HDGFL3: variants seen among roughly 807,000 people sequenced by gnomAD.
HDGFL3 encodes hepatoma-derived growth factor-related protein 3.
A neutral mutation model predicts 27.6 loss-of-function variants in HDGFL3; 6 were observed. That is an observed-to-expected ratio of 0.22 (90% CI 0.12 to 0.43). The LOEUF is 0.43. HDGFL3 is among the 20% of genes least tolerant of loss of function. The pLI, the probability that HDGFL3 is intolerant of heterozygous loss-of-function variation, is 1.00. For synonymous variants in HDGFL3, 88 were observed against 88.9 expected, an observed-to-expected ratio of 0.99 and a Z score of 0.05; for missense variants, 207 against 250.1, an observed-to-expected ratio of 0.83 and a Z score of 1.16.
intron 1 of HDGFL3, among the ~76,000 whole-genome samples, chr15:83,186,686 C>T (rs905958361): frequency 2.0e-5 from 3 of 151,626 alleles, no homozygotes; most frequent in African/African-American, 4.9e-5. Context: ...ACTATGAGTA[C>T]GCAAAGGCAT....
chr15:83,143,673 G>C (rs2151394524), intron 5 of HDGFL3, among the ~76,000 whole-genome samples: 1 of 152,286 alleles, frequency 6.6e-6, no homozygotes, highest in African/African-American at 2.4e-5. Flanking sequence ...AAGATAAACT[G>C]GGGTCAGCTG....
Position 83,207,634 on chromosome 15 carries a change from G to A in HDGFL3, c.-220C>T, listed in dbSNP as rs1567180662. ...ATCACGGCCCGGCAGCGGGGGAGGG[G>A]AGCCCCCGGCCGTTCGGCGCTCGCC... On this transcript the variant is annotated 5_prime_UTR_variant, in exon 1 of 6. Transcript: ENST00000299633. The surrounding 1 kb of genome is among the most constrained non-coding windows in gnomAD (Gnocchi z 4.8). The A allele has an allele frequency of 9.0e-6, 2 of 221,910 alleles. No homozygotes were observed. The highest frequency in any genetic ancestry group is 1.7e-5 in the Non-Finnish European group (2 of 115,744). The allele number at this position is 221,910 out of a possible 1,614,324, so 13.7% of individuals were successfully genotyped here.
intron 1 of HDGFL3, among the ~76,000 whole-genome samples, chr15:83,178,998 C>G (rs1343927583): frequency 1.3e-5 from 2 of 152,062 alleles, no homozygotes; most frequent in Admixed American, 1.3e-4. Context: ...AGATAAAGAC[C>G]CCTAGCCAAA....
intron 5 of HDGFL3, among the ~76,000 whole-genome samples, chr15:83,142,352 G>C (rs2036789447): frequency 6.6e-6 from 1 of 152,076 alleles, no homozygotes; most frequent in Non-Finnish European, 1.5e-5. Context: ...CCATTAAAAA[G>C]AGTGAGAGCA....
At chr15:83,155,075 G>C (rs1350793123) in intron 4 of HDGFL3, among the ~76,000 whole-genome samples, 1 of 152,070 alleles carries the variant, frequency 6.6e-6, no homozygotes, top group Non-Finnish European at 1.5e-5. Flanking sequence ...ATGTTGCCCA[G>C]GCTGGTCTCA....
intron 1 of HDGFL3, among the ~76,000 whole-genome samples, chr15:83,177,201 G>C (rs1391935215): frequency 6.6e-6 from 1 of 152,218 alleles, no homozygotes; most frequent in African/African-American, 2.4e-5. Flanking sequence ...TTACAGGCGT[G>C]AGCCATTTTG....
intron 3 of HDGFL3, chr15:83,116,050 C>A: frequency 1.2e-6 from 1 of 844,244 alleles, no homozygotes. Context: ...GTACGCTACG[C>A]AGGCTTTCAT....
chr15:83,139,277 T>C lies in HDGFL3; in HGVS notation c.607-2A>G. 1 of 1,436,866 alleles carries C rather than the reference T, an allele frequency of 7.0e-7. No individual in the cohort carries two copies. The highest frequency in any genetic ancestry group is 9.3e-7 in the Non-Finnish European group (1 of 1,076,936). 89.0% of individuals were successfully genotyped at this position (1,436,866 alleles called of 1,614,324 possible). On this transcript the variant is annotated splice_acceptor_variant, in intron 5 of 5. Transcript: ENST00000299633. LOFTEE classifies it high-confidence loss of function. ...CAGCATTCATTATGGTAGTTAGGTC[T>C]GTAAAAAAAAAAAAAAGAAAGAAAA...
intron 4 of HDGFL3, among the ~76,000 whole-genome samples, chr15:83,152,741 A>G (rs575123835): frequency 6.6e-6 from 1 of 151,810 alleles, no homozygotes; most frequent in East Asian, 1.9e-4. Flanking sequence ...GGCAGAATAT[A>G]TAATTAAACT....
intron 1 of HDGFL3, among the ~76,000 whole-genome samples, chr15:83,177,423 T>C (rs776925698): frequency 7.2e-5 from 11 of 152,242 alleles, no homozygotes; most frequent in Non-Finnish European, 1.2e-4. Context: ...GAACTTCTTA[T>C]ATAAGGTCCA....
chr15:83,145,785 C>T (rs1273063624), intron 5 of HDGFL3, among the ~76,000 whole-genome samples: 1 of 151,218 alleles, frequency 6.6e-6, no homozygotes, highest in Non-Finnish European at 1.5e-5. Context: ...TATCTCAGTT[C>T]CTTGGTGTCC....
chr15:83,119,622 C>T, intron 3 of HDGFL3: 1 of 1,614,212 alleles, frequency 6.2e-7, no homozygotes, highest in Non-Finnish European at 8.5e-7. Flanking sequence ...TGATCTGCTA[C>T]TGGGATGGCT....
intron 1 of HDGFL3, among the ~76,000 whole-genome samples, chr15:83,181,375 A>T (rs1440459821): frequency 6.6e-6 from 1 of 152,266 alleles, no homozygotes; most frequent in Non-Finnish European, 1.5e-5. Flanking sequence ...GGAGAGGCGT[A>T]GTCTCTGACA....
chr15:83,191,837 C>T (rs945328102), intron 1 of HDGFL3, among the ~76,000 whole-genome samples: 3 of 151,918 alleles, frequency 2.0e-5, no homozygotes, highest in Non-Finnish European at 4.4e-5. Context: ...GCATGATAAT[C>T]CATCAAATGT....
At chr15:83,149,184 C>T (rs1448483064) in intron 5 of HDGFL3, among the ~76,000 whole-genome samples, 1 of 152,150 alleles carries the variant, frequency 6.6e-6, no homozygotes, top group Non-Finnish European at 1.5e-5. Flanking sequence ...AATACCTGCA[C>T]CTACCTCCTG....
intron 3 of HDGFL3, chr15:83,119,749 G>A (rs1483360928): frequency 1.2e-5 from 19 of 1,604,338 alleles, no homozygotes; most frequent in Middle Eastern, 1.7e-4. Flanking sequence ...GTAAGGAAAC[G>A]TTATGCATAG....
chr15:83,178,753 T>C (rs2037344903), intron 1 of HDGFL3, among the ~76,000 whole-genome samples: 1 of 152,222 alleles, frequency 6.6e-6, no homozygotes, highest in Non-Finnish European at 1.5e-5. Flanking sequence ...TTTAAAACAT[T>C]ATATTGTTGT....
chr15:83,120,252 T>G (rs908400605), intron 3 of HDGFL3, among the ~76,000 whole-genome samples: 2 of 152,202 alleles, frequency 1.3e-5, no homozygotes. Context: ...AGCTTGGTCT[T>G]GGGAGGCACA....
At chr15:83,200,264 G>A (rs1432448771) in intron 1 of HDGFL3, among the ~76,000 whole-genome samples, 2 of 151,840 alleles carry the variant, frequency 1.3e-5, no homozygotes, top group East Asian at 1.9e-4. Flanking sequence ...GAACCCGGGA[G>A]GCGGAGCTTG....
Sources: gnomAD v4.1 joint callset for allele counts (sites outside exome capture counted in the v4.1 genomes callset) on GRCh38, gnomAD v4.1.1 for gene constraint, Gnocchi (gnomAD v3.1) non-coding constraint, MANE v1.5 for transcripts, NCBI Gene and HGNC (gene_info 2026-07-23, HGNC 2026-07-21) for gene names.